APBB2: variants seen among roughly 807,000 people sequenced by gnomAD.
APBB2 encodes the protein amyloid beta precursor protein binding family B member 2.
In APBB2, 38 loss-of-function variants were observed where a neutral mutation model predicts 82.5. The ratio of observed to expected loss-of-function variants is 0.46; its 90% CI spans 0.36 to 0.60. The LOEUF (loss-of-function observed/expected upper bound fraction) is 0.60, where lower values mean the gene tolerates loss of function less well. Among genes scored for constraint, APBB2 ranks in the 20% least tolerant of loss-of-function variants. The probability of loss-of-function intolerance (pLI) is 0.00; values close to 1 mark genes in which losing one functional copy is unlikely to be tolerated. For synonymous variants in APBB2, 341 were observed against 368.2 expected (o/e 0.93, Z 0.85); for missense variants, 772 against 972.3 (o/e 0.79, Z 2.74).
intron 6 of APBB2, among the ~76,000 whole-genome samples, chr4:40,973,209 A>T (rs1401102039): frequency 6.6e-6 from 1 of 152,198 alleles, no homozygotes; most frequent in African/African-American, 2.4e-5. Context: ...AGGTTCGACC[A>T]ATAAGAGGCT....
In APBB2 at chr4:40,867,015, C is replaced by T. The variant is rs187563719; in HGVS notation, c.1529+23349G>A. Among the ~76,000 whole-genome samples the T allele has an allele frequency of 6.8e-4, 103 of 152,318 alleles. 1 individual carries two copies. Among genetic ancestry groups the T allele is most frequent in the African/African-American group, 2.4e-3 (98 of 41,564 alleles). On this transcript the variant is annotated intron_variant, in intron 12 of 17. Coordinates refer to ENST00000508593, the MANE Select transcript of APBB2 (RefSeq NM_004307.2). ...AACTGATCTGCCTGCCTCGGCCTCC[C>T]AAAATGTTGAGATTACAGGCATGAG... is the stretch of plus-strand genomic sequence containing the variant.
chr4:40,913,127 G>A (rs1778975730), intron 10 of APBB2, among the ~76,000 whole-genome samples: 1 of 152,124 alleles, frequency 6.6e-6, no homozygotes, highest in South Asian at 2.1e-4. Context: ...TCTAGGCCAC[G>A]TGAGCTCTAG....
chr4:40,908,051 G>A (rs146005372), intron 10 of APBB2, among the ~76,000 whole-genome samples: 1 of 151,650 alleles, frequency 6.6e-6, no homozygotes, highest in Admixed American at 6.6e-5. Context: ...GTGTGGGTGT[G>A]TGTGGTGTGT....
intron 1 of APBB2, among the ~76,000 whole-genome samples, chr4:41,148,082 A>AT (rs1258905439): frequency 1.3e-5 from 2 of 152,170 alleles, no homozygotes; most frequent in African/African-American, 4.8e-5. Flanking sequence ...TTAAAAAAAA[A>AT]TTTTCTTTCA....
intron 1 of APBB2, among the ~76,000 whole-genome samples, chr4:41,177,089 A>G (rs1243322919): frequency 6.6e-6 from 1 of 152,116 alleles, no homozygotes; most frequent in Non-Finnish European, 1.5e-5. Context: ...GGCTCTGCCA[A>G]TAATTAACAC....
At chr4:40,965,823 T>G (rs1794546625) in intron 6 of APBB2, among the ~76,000 whole-genome samples, 1 of 152,218 alleles carries the variant, frequency 6.6e-6, no homozygotes. Context: ...TGGAAGGTCC[T>G]GGAAAACATC....
rs181205782 is a variant in APBB2, at chr4:41,036,683, T to C, written c.-50-3379A>G. On this transcript the variant is annotated intron_variant, in intron 4 of 17. Coordinates refer to ENST00000508593, the MANE Select transcript of APBB2 (RefSeq NM_004307.2). ...ACTGGAGAGTCAGGAAATGCTTTCCTGAGAAAGTCAAATTTAAGGTGCAAT... is the reference window on the plus strand; with the variant it reads ...ACTGGAGAGTCAGGAAATGCTTTCCCGAGAAAGTCAAATTTAAGGTGCAAT... Among the ~76,000 whole-genome samples the C allele has an allele frequency of 8.2e-4, 125 of 152,302 alleles. 1 individual carries two copies. Among genetic ancestry groups the C allele is most frequent in the African/African-American group, 2.8e-3 (118 of 41,562 alleles).
In APBB2 at chr4:41,182,176, T is replaced by C. The variant is rs1580682846; in HGVS notation, c.-417+32229A>G. On this transcript the variant is annotated intron_variant, in intron 1 of 17. Transcript: ENST00000508593. ...GAGAGACAGTTGTAAAGTCAAGGGC[T>C]GTCTATATTTACAGTCTCCATTTCT... Among the ~76,000 whole-genome samples the C allele has an allele frequency of 2.0e-5, 3 of 152,270 alleles. No homozygotes were observed. The East Asian group carries it at 5.8e-4, about 29-fold the overall frequency.
At chr4:40,886,991 A>G (rs1397797302) in intron 12 of APBB2, among the ~76,000 whole-genome samples, 2 of 152,246 alleles carry the variant, frequency 1.3e-5, no homozygotes, top group Non-Finnish European at 2.9e-5. Context: ...GGGCCCCAAG[A>G]AACACCGTAA....
intron 10 of APBB2, among the ~76,000 whole-genome samples, chr4:40,921,016 C>T (rs961514310): frequency 1.3e-5 from 2 of 152,206 alleles, no homozygotes; most frequent in African/African-American, 4.8e-5. Context: ...GAACAGTGAT[C>T]AAGCCACCGA....
Position 40,811,063 on chromosome 4 carries a change from G to A in APBB2, c.*5029C>T, listed in dbSNP as rs1744300255. The A allele has an allele frequency of 6.6e-6, 1 of 152,140 alleles. No individual in the cohort carries two copies. Among genetic ancestry groups the A allele is most frequent in the Admixed American group, 6.5e-5 (1 of 15,284 alleles). 9.4% of individuals were successfully genotyped at this position (152,140 alleles called of 1,614,324 possible). On this transcript the variant is annotated 3_prime_UTR_variant, in exon 18 of 18. Transcript: ENST00000508593. ...GGATAATTTTCTGATCTCTACAGTA[G>A]CATGTGAAGTCACAATTTGTTGCCA...
At chr4:40,907,379 A>ATATATATATTTTT (rs1491382228) in intron 10 of APBB2, among the ~76,000 whole-genome samples, 1 of 37,398 alleles carries the variant, frequency 2.7e-5, no homozygotes, top group African/African-American at 1.2e-4. Context: ...ATATATATAT[A>ATATATATATTTTT]TTTTTTTTTT....
At chr4:40,939,697 T>C (rs947333703) in intron 7 of APBB2, among the ~76,000 whole-genome samples, 1 of 152,162 alleles carries the variant, frequency 6.6e-6, no homozygotes, top group Non-Finnish European at 1.5e-5. Context: ...TGAGCTCAAC[T>C]GATCCTCTCA....
intron 2 of APBB2, among the ~76,000 whole-genome samples, chr4:41,130,367 G>A (rs1024367247): frequency 1.1e-4 from 16 of 152,274 alleles, no homozygotes; most frequent in East Asian, 3.9e-4. Flanking sequence ...CTTCAGCGTA[G>A]ATCCATTGCT....
intron 6 of APBB2, among the ~76,000 whole-genome samples, chr4:40,994,296 AAAAG>A (rs1467831607): frequency 5.3e-5 from 8 of 151,880 alleles, no homozygotes; most frequent in African/African-American, 1.9e-4. Context: ...AAAAAAAAAA[AAAAG>A]AAACACCTAG....
intron 2 of APBB2, among the ~76,000 whole-genome samples, chr4:41,131,632 T>TACAGAAGTTATAAAGAGAAGGAGATAC (rs1756010418): frequency 6.6e-6 from 1 of 152,268 alleles, no homozygotes; most frequent in East Asian, 1.9e-4. Context: ...GAAGGAGATA[T>TACAGAAGTTATAAAGAGAAGGAGATAC]GGCAAAAATA....
At chr4:41,153,648 C>A (rs917236679) in intron 1 of APBB2, among the ~76,000 whole-genome samples, 1 of 152,114 alleles carries the variant, frequency 6.6e-6, no homozygotes, top group Non-Finnish European at 1.5e-5. Flanking sequence ...AAACCTAAAT[C>A]CTGCATTCTT....
At chr4:41,213,932 C>A (rs947160374) in intron 1 of APBB2, among the ~76,000 whole-genome samples, 1 of 152,204 alleles carries the variant, frequency 6.6e-6, no homozygotes, top group African/African-American at 2.4e-5. Flanking sequence ...AGCGGCACAG[C>A]GGAGGCCGGT....
chr4:41,030,319 T>C (rs1025321567), intron 5 of APBB2, among the ~76,000 whole-genome samples: 2 of 152,204 alleles, frequency 1.3e-5, no homozygotes, highest in African/African-American at 4.8e-5. Context: ...AGAATGTGTA[T>C]ATTCAAGTAA....
Sources: gnomAD v4.1 joint callset for allele counts (sites outside exome capture counted in the v4.1 genomes callset) on GRCh38, gnomAD v4.1.1 for gene constraint, MANE v1.5 for transcripts, NCBI Gene and HGNC (gene_info 2026-07-23, HGNC 2026-07-21) for gene names.